The following DCAF6 variants were observed in gnomAD, a reference collection of about 807,000 sequenced individuals.
The protein encoded by DCAF6 is DDB1- and CUL4-associated factor 6.
In DCAF6, 54 loss-of-function variants were observed where a neutral mutation model predicts 125.1. The observed-to-expected ratio is 0.43, with a 90% CI of 0.35 to 0.54. The LOEUF (loss-of-function observed/expected upper bound fraction) is 0.54, where lower values mean the gene tolerates loss of function less well. Among genes scored for constraint, DCAF6 ranks in the 20% least tolerant of loss-of-function variants. DCAF6 has a pLI of 0.01. For synonymous variants in DCAF6, 371 were observed against 390.4 expected (o/e 0.95, Z 0.58); for missense variants, 934 against 1,161.7 (o/e 0.80, Z 2.85).
At chr1:167,873,511 T>C in the DCAF6 span, among the ~76,000 whole-genome samples, 1 of 152,198 alleles carries the variant, frequency 6.6e-6, no homozygotes, top group African/African-American at 2.4e-5. Flanking sequence ...GGGATGTTCG[T>C]GTCTGACAGA....
At chr1:168,017,372 CTT>C (rs1260148058) in intron 11 of DCAF6, among the ~76,000 whole-genome samples, 5 of 151,896 alleles carry the variant, frequency 3.3e-5, no homozygotes, top group South Asian at 2.1e-4. Context: ...AGATTACAAA[CTT>C]AGTATTAAAA....
At chr1:167,897,409 A>G in the DCAF6 span, among the ~76,000 whole-genome samples, 123 of 150,968 alleles carry the variant, frequency 8.1e-4, 1 homozygote, top group South Asian at 0.023. Context: ...TGGTGGGAGA[A>G]TCGCTTGAGA....
the DCAF6 span, chr1:167,904,617 G>C: frequency 3.8e-6 from 2 of 520,102 alleles, no homozygotes; most frequent in Admixed American, 3.3e-5. Context: ...TTCTGAAGAG[G>C]TGGCAAGTTT....
intron 13 of DCAF6, among the ~76,000 whole-genome samples, chr1:168,039,888 C>T (rs954921409): frequency 2.0e-5 from 3 of 151,550 alleles, no homozygotes; most frequent in Admixed American, 2.0e-4. Flanking sequence ...TAAGTAGGAT[C>T]TTAAAATACT....
At chr1:167,898,998 G>A in the DCAF6 span, among the ~76,000 whole-genome samples, 10 of 152,198 alleles carry the variant, frequency 6.6e-5, no homozygotes, top group South Asian at 1.9e-3. Context: ...GAACTTCGCC[G>A]CACTTGCTCA....
the DCAF6 span, chr1:167,880,432 C>A: frequency 9.4e-5 from 116 of 1,239,638 alleles, no homozygotes; most frequent in Non-Finnish European, 1.2e-4. Context: ...TGCATGCCCT[C>A]CCTACTTATG....
chr1:167,970,593 C>G (rs1301267527), intron 3 of DCAF6, among the ~76,000 whole-genome samples: 1 of 151,992 alleles, frequency 6.6e-6, no homozygotes, highest in Admixed American at 6.6e-5. Flanking sequence ...CCACTACACT[C>G]CAAGTCTGGA....
At chr1:168,016,090 G>A (rs1465433876) in intron 11 of DCAF6, 139 bp downstream of exon 11, 7 of 508,148 alleles carry the variant, frequency 1.4e-5, no homozygotes, top group Non-Finnish European at 1.9e-5. Context: ...CTTGCATATG[G>A]GTGGTATTCA....
the DCAF6 span, among the ~76,000 whole-genome samples, chr1:167,930,577 G>T: frequency 6.6e-6 from 1 of 152,278 alleles, no homozygotes; most frequent in Admixed American, 6.5e-5. Context: ...CCAAATTATA[G>T]ATTATTAGCT....
the DCAF6 span, among the ~76,000 whole-genome samples, chr1:167,894,759 C>T: frequency 6.6e-6 from 1 of 152,048 alleles, no homozygotes; most frequent in Non-Finnish European, 1.5e-5. Context: ...TTAAGGAGAT[C>T]CCCAGATTTG....
intron 7 of DCAF6, 41 bp downstream of exon 7, chr1:167,993,481 G>A (rs560457508): frequency 1.9e-6 from 3 of 1,552,930 alleles, no homozygotes; most frequent in Admixed American, 1.7e-5. Context: ...CGGGCGCGGT[G>A]GCTCACGCCT....
At chr1:168,050,707 A>C (rs1689801720) in intron 16 of DCAF6, among the ~76,000 whole-genome samples, 185 bp from the exon 17 acceptor site, 1 of 152,130 alleles carries the variant, frequency 6.6e-6, no homozygotes, top group Non-Finnish European at 1.5e-5. Context: ...CTGTTTCCTT[A>C]ATTTCTTCAT....
intron 2 of DCAF6, among the ~76,000 whole-genome samples, chr1:167,959,967 T>G (rs1251589231): frequency 1.3e-5 from 2 of 152,188 alleles, no homozygotes; most frequent in African/African-American, 4.8e-5. Context: ...CCCTATGTTA[T>G]CTTCTCAGAG....
intron 10 of DCAF6, among the ~76,000 whole-genome samples, chr1:168,011,444 T>TTTTAAA (rs1684272639): frequency 6.6e-6 from 1 of 152,140 alleles, no homozygotes; most frequent in Non-Finnish European, 1.5e-5. Flanking sequence ...GCATATGATG[T>TTTTAAA]GGTCTGTGTG....
the DCAF6 span, among the ~76,000 whole-genome samples, chr1:167,899,153 C>G: frequency 6.6e-6 from 1 of 152,174 alleles, no homozygotes; most frequent in East Asian, 1.9e-4. Context: ...TAAGCAAGGT[C>G]GCTAGCCCCT....
chr1:167,999,710 A>T (rs56180735), intron 7 of DCAF6, among the ~76,000 whole-genome samples: 21,114 of 152,018 alleles, frequency 0.14, 1,947 homozygotes, highest in African/African-American at 0.26. Context: ...CTTACCTCTA[A>T]CAGTTTTCAT....
At chr1:167,919,936 G>T in the DCAF6 span, 1 of 1,434,610 alleles carries the variant, frequency 7.0e-7, no homozygotes, top group Non-Finnish European at 9.6e-7. Context: ...TGCCATCTAA[G>T]TAGCTTTTGC....
intron 11 of DCAF6, among the ~76,000 whole-genome samples, chr1:168,022,017 A>G (rs1685730828): frequency 6.6e-6 from 1 of 151,998 alleles, no homozygotes; most frequent in Non-Finnish European, 1.5e-5. Flanking sequence ...TTTCTCTTTT[A>G]CTGTAGCCCT....
chr1:168,009,380 TTCCTTCC>T (rs963616364), intron 10 of DCAF6, among the ~76,000 whole-genome samples: 11 of 145,304 alleles, frequency 7.6e-5, no homozygotes, highest in African/African-American at 2.7e-4. Flanking sequence ...CCTTCCTTCC[TTCCTTCC>T]TTTCTTTCTT....
Sources: gnomAD v4.1 joint callset for allele counts (sites outside exome capture counted in the v4.1 genomes callset) on GRCh38, gnomAD v4.1.1 for gene constraint, MANE v1.5 for transcripts, NCBI Gene and HGNC (gene_info 2026-07-23, HGNC 2026-07-21) for gene names.